ARMH3: variants seen among roughly 807,000 people sequenced by gnomAD.
ARMH3 encodes armadillo like helical domain containing 3, also known as armadillo-like helical domain-containing protein 3.
A neutral mutation model predicts 99.1 loss-of-function variants in ARMH3; 60 were observed. The ratio of observed to expected loss-of-function variants is 0.61; its 90% CI spans 0.49 to 0.75. ARMH3 has a LOEUF of 0.75. Ranked by LOEUF, ARMH3 falls within the 30% of genes least tolerant of loss-of-function variation. The pLI, the probability that ARMH3 is intolerant of heterozygous loss-of-function variation, is 0.00. For missense variants in ARMH3, 679 were observed against 843.1 expected (o/e 0.81, Z 2.41); for synonymous variants, 285 against 292.8 (o/e 0.97, Z 0.27).
intron 24 of ARMH3, among the ~76,000 whole-genome samples, chr10:101,876,394 G>A (rs183248869): frequency 4.2e-4 from 64 of 152,212 alleles, no homozygotes; most frequent in African/African-American, 1.4e-3. Context: ...GAAAGGGAGA[G>A]AGAAAACATT....
chr10:101,997,311 G>A (rs1847105185), intron 15 of ARMH3, among the ~76,000 whole-genome samples: 1 of 151,560 alleles, frequency 6.6e-6, no homozygotes, highest in Non-Finnish European at 1.5e-5. Context: ...ACAAAATTCT[G>A]GGCCACGCGT....
chr10:101,985,348 T>C (rs1846449809), intron 19 of ARMH3, among the ~76,000 whole-genome samples: 1 of 151,038 alleles, frequency 6.6e-6, no homozygotes, highest in Non-Finnish European at 1.5e-5. Flanking sequence ...GGTTTATATA[T>C]ACACATATAT....
At chr10:101,925,516 CAG>C (rs1188144516) in intron 23 of ARMH3, among the ~76,000 whole-genome samples, 1 of 152,124 alleles carries the variant, frequency 6.6e-6, no homozygotes, top group Non-Finnish European at 1.5e-5. Context: ...ATTTAGAAAA[CAG>C]GGTAAATTTT....
chr10:101,932,762 A>C (rs1254599848), intron 23 of ARMH3, among the ~76,000 whole-genome samples: 1 of 152,226 alleles, frequency 6.6e-6, no homozygotes, highest in Non-Finnish European at 1.5e-5. Flanking sequence ...TGGGAGAAAG[A>C]GGGAATAGGG....
At chr10:101,930,604 A>G (rs1255123466) in intron 23 of ARMH3, among the ~76,000 whole-genome samples, 1 of 152,118 alleles carries the variant, frequency 6.6e-6, no homozygotes, top group African/African-American at 2.4e-5. Flanking sequence ...GTGATAGAAA[A>G]CACAAACTCT....
intron 20 of ARMH3, among the ~76,000 whole-genome samples, chr10:101,965,764 G>T (rs1194542038): frequency 6.6e-6 from 1 of 152,156 alleles, no homozygotes; most frequent in East Asian, 1.9e-4. Context: ...TTTCATACCA[G>T]GCCCCTTGAA....
chr10:102,030,805 G>A (rs1315407521), intron 4 of ARMH3, among the ~76,000 whole-genome samples: 2 of 151,812 alleles, frequency 1.3e-5, no homozygotes, highest in Non-Finnish European at 2.9e-5. Flanking sequence ...TGTTTGAGAC[G>A]GAGTCTCACT....
chr10:101,858,469 A>G (rs1263115992), intron 24 of ARMH3, among the ~76,000 whole-genome samples: 1 of 152,222 alleles, frequency 6.6e-6, no homozygotes, highest in Non-Finnish European at 1.5e-5. Flanking sequence ...AGCACTTAAG[A>G]AGTGTAGCTA....
At chr10:102,051,504 A>G (rs1319461153) in intron 1 of ARMH3, among the ~76,000 whole-genome samples, 1 of 152,046 alleles carries the variant, frequency 6.6e-6, no homozygotes, top group Middle Eastern at 3.2e-3. Flanking sequence ...AGAAAAAGAA[A>G]GAAGTCAGTC....
At chr10:102,036,142 G>A (rs550683246) in intron 2 of ARMH3, among the ~76,000 whole-genome samples, 3,484 of 138,774 alleles carry the variant, frequency 0.025, 71 homozygotes, top group Middle Eastern at 0.069. Context: ...CCGGCCAGCC[G>A]CCCCATCCGG....
chr10:101,919,902 AG>A (rs11304514), intron 23 of ARMH3, among the ~76,000 whole-genome samples: 31,132 of 151,964 alleles, frequency 0.2, 3,543 homozygotes, highest in East Asian at 0.52. Flanking sequence ...TCTTCTGGAG[AG>A]TCCGCCTGGC....
In ARMH3 at chr10:102,033,046, G is replaced by C. The variant is rs772704867; in HGVS notation, c.286C>G (p.Arg96Gly). 3 of 1,614,092 alleles carry C rather than the reference G, an allele frequency of 1.9e-6. No individual in the cohort carries two copies. The highest frequency in any genetic ancestry group is 2.5e-6 in the Non-Finnish European group (3 of 1,180,004). ...IQALGEEHPI[R>G]VVNALQTLCA... Reference sequence around the variant, plus strand: ...TGTACCTGCAATGCATTGACAACCCGAATTGGATGCTCCTCTCCCAGAGCC... The same window carrying C: ...TGTACCTGCAATGCATTGACAACCCCAATTGGATGCTCCTCTCCCAGAGCC... Residue 96 changes from arginine (R) to glycine (G), a missense_variant, in exon 4 of 26, where the codon CGG (arginine) becomes GGG (glycine). Coordinates refer to ENST00000370033, the MANE Select transcript of ARMH3 (RefSeq NM_024541.3).
chr10:102,018,958 A>C (rs978197863), intron 8 of ARMH3, among the ~76,000 whole-genome samples: 3 of 151,570 alleles, frequency 2.0e-5, no homozygotes, highest in Non-Finnish European at 4.4e-5. Context: ...CTCCGTCTCA[A>C]AAAAAAAAGT....
chr10:102,019,410 A>G (rs1049015259), intron 8 of ARMH3, among the ~76,000 whole-genome samples: 1 of 152,004 alleles, frequency 6.6e-6, no homozygotes, highest in African/African-American at 2.4e-5. Flanking sequence ...AAAAAAAAAA[A>G]GTTAACTGTA....
intron 1 of ARMH3, among the ~76,000 whole-genome samples, chr10:102,055,158 T>C (rs2067809799): frequency 6.6e-6 from 1 of 151,448 alleles, no homozygotes; most frequent in Non-Finnish European, 1.5e-5. Flanking sequence ...CCCGTCTCTA[T>C]CAAAAATATA....
rs745928349 is a variant in ARMH3, at chr10:101,991,983, A to G, written c.1331T>C (p.Val444Ala). The stretch of plus-strand genomic sequence containing the variant: ...TACTCACTCACCCAGTACTGCACAT[A>G]CTAAAGGACGGCAGGGAAGATTCTT... ...ADKNLPCRPL[V>A]CAVLDLMVEF... is the part of the protein sequence containing the mutation. The change falls in exon 18 of 26, where the codon GTA (valine) becomes GCA (alanine). Residue 444 changes from valine to alanine, a missense_variant. Physicochemically the swap from Val to Ala is moderately conservative, Grantham distance 64. Coordinates refer to ENST00000370033, the MANE Select transcript of ARMH3 (RefSeq NM_024541.3). 2 of 1,614,030 alleles carry G rather than the reference A, an allele frequency of 1.2e-6. No homozygotes were observed. Among genetic ancestry groups the G allele is most frequent in the Non-Finnish European group, 1.7e-6 (2 of 1,179,876 alleles).
chr10:101,863,802 C>T (rs1165270273), intron 24 of ARMH3, among the ~76,000 whole-genome samples: 2 of 151,988 alleles, frequency 1.3e-5, no homozygotes, highest in Non-Finnish European at 2.9e-5. Context: ...GCGGCTCACA[C>T]CTGTAATCCC....
chr10:102,020,434 T>A lies in ARMH3; in HGVS notation c.669+3043A>T, dbSNP rs2066856248. Among the ~76,000 whole-genome samples the A allele has an allele frequency of 3.9e-5, 6 of 151,984 alleles. No individual in the cohort carries two copies. The South Asian group carries it at 1.2e-3, about 32-fold the overall frequency. ...GCTCACACCTATAATCCAAGCACTTTGGGAGGCCGAGGCGGGTGGATCACG... is the reference window on the plus strand; with the variant it reads ...GCTCACACCTATAATCCAAGCACTTAGGGAGGCCGAGGCGGGTGGATCACG... On this transcript the variant is annotated intron_variant, in intron 8 of 25. Coordinates refer to ENST00000370033, the MANE Select transcript of ARMH3 (RefSeq NM_024541.3).
intron 1 of ARMH3, among the ~76,000 whole-genome samples, chr10:102,041,090 A>AATATATATATATATATAAT (rs2067404658): frequency 7.5e-6 from 1 of 132,642 alleles, no homozygotes; most frequent in Non-Finnish European, 1.6e-5. Context: ...ATATATATAT[A>AATATATATATATATATAAT]ATATATATAT....
Sources: gnomAD v4.1 joint callset for allele counts (sites outside exome capture counted in the v4.1 genomes callset) on GRCh38, gnomAD v4.1.1 for gene constraint, MANE v1.5 for transcripts, NCBI Gene and HGNC (gene_info 2026-07-23, HGNC 2026-07-21) for gene names.